OR52N4: variants seen among roughly 807,000 people sequenced by gnomAD.
OR52N4 encodes olfactory receptor family 52 subfamily N member 4, also known as olfactory receptor 52N4.
OR52N4 carries 15 observed loss-of-function variants against 15.0 expected under a neutral mutation model. The observed-to-expected ratio is 1.00, with a 90% CI of 0.67 to 1.54. OR52N4 has a LOEUF of 1.54. Ranked by LOEUF, OR52N4 falls within the 40% of genes most tolerant of loss-of-function variation. The probability of loss-of-function intolerance (pLI) is 0.00; values close to 1 mark genes in which losing one functional copy is unlikely to be tolerated. For synonymous variants in OR52N4, 143 were observed against 143.7 expected, an observed-to-expected ratio of 1.00 and a Z score of 0.03; for missense variants, 421 against 394.0, an observed-to-expected ratio of 1.07 and a Z score of -0.58.
In OR52N4 at chr11:5,755,399, A is replaced by C; in HGVS notation, c.659A>C (p.Tyr220Ser). Reference protein sequence around the residue: ...GFDILCITNSYTMILRAVVSL... With the variant: ...GFDILCITNSSTMILRAVVSL... The stretch of plus-strand genomic sequence containing the variant: ...GACATACTGTGTATCACCAACTCCT[A>C]TACCATGATTCTCCGGGCAGTGGTC... The change falls in exon 2 of 2, where the codon TAT (tyrosine) becomes TCT (serine). Residue 220 changes from tyrosine to serine, a missense_variant. Tyr to Ser is a moderately radical substitution (Grantham distance 144). Transcript: ENST00000641350. 6.2e-7 allele frequency: 1 copy of C among 1,613,948 alleles called. No homozygotes were observed. Among genetic ancestry groups the C allele is most frequent in the Non-Finnish European group, 8.5e-7 (1 of 1,179,920 alleles).
chr11:5,736,619 T>C, the OR52N4 span: 5 of 1,614,064 alleles, frequency 3.1e-6, no homozygotes, highest in Non-Finnish European at 4.2e-6. Context: ...CTGGCAACAC[T>C]GGCTATCTCT....
At chr11:5,746,003 T>G in the OR52N4 span, among the ~76,000 whole-genome samples, 75 of 152,148 alleles carry the variant, frequency 4.9e-4, 1 homozygote, top group Non-Finnish European at 4.4e-4. Context: ...TGAAGCCACA[T>G]ACTTATGACC....
the OR52N4 span, among the ~76,000 whole-genome samples, chr11:5,733,276 T>G: frequency 6.6e-6 from 1 of 152,182 alleles, no homozygotes; most frequent in Admixed American, 6.5e-5. Flanking sequence ...CCACCACACC[T>G]TGAGGTTTCC....
At chr11:5,747,077 C>CAAAAAAAAAA in the OR52N4 span, among the ~76,000 whole-genome samples, 1 of 57,260 alleles carries the variant, frequency 1.7e-5, no homozygotes, top group Non-Finnish European at 3.0e-5. Flanking sequence ...GTAAAAATAC[C>CAAAAAAAAAA]AAAAAAAAAA....
upstream of OR52N4, among the ~76,000 whole-genome samples, chr11:5,753,594 A>G (rs2134213030): frequency 6.6e-6 from 1 of 152,320 alleles, no homozygotes; most frequent in Non-Finnish European, 1.5e-5. Flanking sequence ...AATTGAATCA[A>G]AACTTCATTG....
the OR52N4 span, among the ~76,000 whole-genome samples, chr11:5,729,898 C>A: frequency 6.6e-6 from 1 of 152,048 alleles, no homozygotes; most frequent in South Asian, 2.1e-4. Context: ...TTGCCAATTT[C>A]TTTTTCCTCT....
At chr11:5,745,535 A>T in the OR52N4 span, among the ~76,000 whole-genome samples, 1 of 152,184 alleles carries the variant, frequency 6.6e-6, no homozygotes, top group Admixed American at 6.5e-5. Flanking sequence ...TACACTGATG[A>T]AAGTAATTTT....
the OR52N4 span, among the ~76,000 whole-genome samples, chr11:5,743,032 A>C: frequency 5.3e-3 from 805 of 152,300 alleles, 6 homozygotes; most frequent in African/African-American, 0.018. Flanking sequence ...GGCTCAAAGC[A>C]AAAAGGTATA....
At chr11:5,745,960 T>C in the OR52N4 span, among the ~76,000 whole-genome samples, 383 of 152,256 alleles carry the variant, frequency 2.5e-3, 3 homozygotes, top group African/African-American at 9.0e-3. Context: ...TAAAGACACA[T>C]AGATCAGTAA....
chr11:5,728,858 C>A, the OR52N4 span, among the ~76,000 whole-genome samples: 1 of 152,136 alleles, frequency 6.6e-6, no homozygotes, highest in Non-Finnish European at 1.5e-5. Context: ...AGTATATGGG[C>A]TGTCACTGGT....
At chr11:5,746,853 A>G in the OR52N4 span, among the ~76,000 whole-genome samples, 1 of 152,276 alleles carries the variant, frequency 6.6e-6, no homozygotes, top group African/African-American at 2.4e-5. Context: ...AGATATCTGC[A>G]TTTGTATGAT....
At chr11:5,748,975 G>C in the OR52N4 span, among the ~76,000 whole-genome samples, 1 of 151,924 alleles carries the variant, frequency 6.6e-6, no homozygotes, top group African/African-American at 2.4e-5. Flanking sequence ...TCTTCCCATA[G>C]AGGTTATCTT....
the OR52N4 span, chr11:5,735,934 C>T: frequency 9.7e-5 from 15 of 154,084 alleles, no homozygotes; most frequent in African/African-American, 3.6e-4. Context: ...GTGTTGTTAT[C>T]ACAGGAATCT....
chr11:5,745,553 G>A, the OR52N4 span, among the ~76,000 whole-genome samples: 85 of 151,978 alleles, frequency 5.6e-4, 1 homozygote, highest in Non-Finnish European at 6.9e-4. Flanking sequence ...TTTAGATGAC[G>A]CAAATATGAA....
upstream of OR52N4, among the ~76,000 whole-genome samples, chr11:5,753,414 T>A (rs1854228298): frequency 6.6e-6 from 1 of 152,196 alleles, no homozygotes; most frequent in African/African-American, 2.4e-5. Context: ...ATTTACCTGT[T>A]CATTGGCAAT....
At chr11:5,738,536 C>G in the OR52N4 span, 1 of 151,932 alleles carries the variant, frequency 6.6e-6, no homozygotes, top group African/African-American at 2.4e-5. Context: ...TTTCTTTGTG[C>G]CTTTTTTTTT....
chr11:5,727,927 A>G, the OR52N4 span, among the ~76,000 whole-genome samples: 5 of 152,230 alleles, frequency 3.3e-5, no homozygotes, highest in African/African-American at 1.2e-4. Context: ...ATGCTTTTCC[A>G]TAAACCCTGT....
chr11:5,753,156 A>G (rs1854223893), upstream of OR52N4, among the ~76,000 whole-genome samples: 1 of 152,144 alleles, frequency 6.6e-6, no homozygotes, highest in African/African-American at 2.4e-5. Context: ...TTTGTTGGAA[A>G]TGGCAATGGT....
chr11:5,734,789 C>A, the OR52N4 span, among the ~76,000 whole-genome samples: 1 of 152,056 alleles, frequency 6.6e-6, no homozygotes, highest in Non-Finnish European at 1.5e-5. Context: ...TGTTGAACCC[C>A]TTCAGAATTC....
Sources: allele counts gnomAD v4.1 joint callset (sites outside exome capture counted in the v4.1 genomes callset), GRCh38; gene constraint gnomAD v4.1.1; transcripts MANE v1.5; gene names NCBI Gene and HGNC (gene_info 2026-07-23, HGNC 2026-07-21).